CMSS1: variants seen among roughly 807,000 people sequenced by gnomAD.
CMSS1 encodes protein CMSS1.
CMSS1 carries 33 observed loss-of-function variants against 43.5 expected under a neutral mutation model. That is an observed-to-expected ratio of 0.76 (90% CI 0.57 to 1.01). The LOEUF (loss-of-function observed/expected upper bound fraction) is 1.01, where lower values mean the gene tolerates loss of function less well. Among genes scored for constraint, CMSS1 ranks in the 50% least tolerant of loss-of-function variants. CMSS1 has a pLI of 0.00. For missense variants in CMSS1, 313 were observed against 326.4 expected (o/e 0.96, Z 0.32); for synonymous variants, 115 against 117.2 (o/e 0.98, Z 0.12).
intron 1 of CMSS1, among the ~76,000 whole-genome samples, chr3:99,843,408 A>C (rs1576502876): frequency 6.6e-6 from 1 of 152,260 alleles, no homozygotes; most frequent in South Asian, 2.1e-4. Context: ...TTGGAGAATA[A>C]ACCTTCTGTT....
intron 2 of CMSS1, among the ~76,000 whole-genome samples, chr3:100,147,828 G>T (rs898613021): frequency 2.0e-5 from 3 of 152,122 alleles, no homozygotes; most frequent in Non-Finnish European, 2.9e-5. Flanking sequence ...GTGATTCGTG[G>T]TCTTTGCCAT....
chr3:99,826,281 A>G (rs1235251421), intron 1 of CMSS1, among the ~76,000 whole-genome samples: 1 of 152,134 alleles, frequency 6.6e-6, no homozygotes, highest in African/African-American at 2.4e-5. Context: ...TTAAATTCCT[A>G]TTTCTGAGTT....
intron 1 of CMSS1, among the ~76,000 whole-genome samples, chr3:100,145,134 T>A (rs1453050836): frequency 6.6e-6 from 1 of 152,140 alleles, no homozygotes; most frequent in Non-Finnish European, 1.5e-5. Context: ...TTTCTCATGC[T>A]ACACACTTAA....
At chr3:100,041,311 G>A (rs564892711) in intron 1 of CMSS1, 1 of 152,226 alleles carries the variant, frequency 6.6e-6, no homozygotes, top group South Asian at 2.1e-4. Context: ...AATTATGATG[G>A]AAACTCTATG....
intron 6 of CMSS1, 68 bp downstream of exon 6, chr3:100,167,908 G>A: frequency 1.9e-6 from 2 of 1,076,976 alleles, no homozygotes; most frequent in Non-Finnish European, 1.4e-6. Flanking sequence ...AAGCTATTAT[G>A]TTCTATGTGC....
intron 1 of CMSS1, among the ~76,000 whole-genome samples, chr3:100,067,047 A>G (rs2065678276): frequency 6.6e-6 from 1 of 152,192 alleles, no homozygotes; most frequent in African/African-American, 2.4e-5. Context: ...CAGAAGGGCA[A>G]GCGTGGACTG....
At chr3:100,170,504 T>C (rs888653225) in intron 6 of CMSS1, among the ~76,000 whole-genome samples, 4 of 152,212 alleles carry the variant, frequency 2.6e-5, no homozygotes, top group African/African-American at 9.6e-5. Flanking sequence ...AGCCAGGATC[T>C]GTTGGGAAAC....
intron 1 of CMSS1, among the ~76,000 whole-genome samples, chr3:99,846,681 G>A (rs1943378778): frequency 6.6e-6 from 1 of 152,190 alleles, no homozygotes; most frequent in African/African-American, 2.4e-5. Flanking sequence ...CGTCACCATG[G>A]AAGTGTTTCT....
chr3:99,854,469 T>C (rs1576515797), intron 1 of CMSS1, among the ~76,000 whole-genome samples: 1 of 152,202 alleles, frequency 6.6e-6, no homozygotes, highest in East Asian at 1.9e-4. Context: ...AAGAGCTGTG[T>C]AGTCAAATTA....
chr3:99,968,710 CAG>C (rs759394370), intron 1 of CMSS1, among the ~76,000 whole-genome samples: 8 of 152,072 alleles, frequency 5.3e-5, no homozygotes, highest in Non-Finnish European at 7.4e-5. Flanking sequence ...AAGGAAAAAA[CAG>C]AGAAATAAGA....
intron 1 of CMSS1, among the ~76,000 whole-genome samples, chr3:99,863,250 G>C (rs1489195753): frequency 6.6e-6 from 1 of 152,186 alleles, no homozygotes; most frequent in African/African-American, 2.4e-5. Context: ...ACACTCCTAT[G>C]AGAACCTAAT....
At chr3:99,837,258 C>T (rs938953492) in intron 1 of CMSS1, among the ~76,000 whole-genome samples, 1 of 152,108 alleles carries the variant, frequency 6.6e-6, no homozygotes, top group Non-Finnish European at 1.5e-5. Flanking sequence ...CTATCTGCCT[C>T]TTGTGTTATG....
rs1447059142 is a variant in CMSS1, at chr3:99,903,611, TAGA to T, written c.64+85573_64+85575del. On this transcript the variant is annotated intron_variant, in intron 1 of 9. Coordinates refer to ENST00000421999, the MANE Select transcript of CMSS1 (RefSeq NM_032359.4). Reference sequence around the variant, plus strand: ...AGGTGGACCAAAAAAAAAGTAGGTTTAGAAGAATTTTGATAGATTTATGGATGA... The same window carrying T: ...AGGTGGACCAAAAAAAAAGTAGGTTTAGAATTTTGATAGATTTATGGATGA... Among the ~76,000 whole-genome samples the T allele has an allele frequency of 2.6e-5, 4 of 152,146 alleles. 1 individual carries two copies. Among genetic ancestry groups the T allele is most frequent in the African/African-American group, 7.2e-5 (3 of 41,422 alleles).
At chr3:99,953,864 T>G (rs1244033718) in intron 1 of CMSS1, among the ~76,000 whole-genome samples, 2 of 152,200 alleles carry the variant, frequency 1.3e-5, no homozygotes, top group Non-Finnish European at 2.9e-5. Flanking sequence ...ACAAATAGTC[T>G]GCCCATGCTG....
intron 1 of CMSS1, among the ~76,000 whole-genome samples, chr3:99,883,121 G>A (rs1305656312): frequency 6.6e-6 from 1 of 152,200 alleles, no homozygotes; most frequent in African/African-American, 2.4e-5. Flanking sequence ...TCTACGCTTA[G>A]ATTGAATTAT....
intron 1 of CMSS1, among the ~76,000 whole-genome samples, chr3:99,993,049 TTATTTTGGTTGCTATAGTCTTGTA>T (rs1185493395): frequency 3.3e-5 from 5 of 152,040 alleles, no homozygotes; most frequent in Admixed American, 1.3e-4. Context: ...CAGTGCCATG[TTATTTTGGTTGCTATAGTCTTGTA>T]TAATTTGAGT....
At chr3:100,137,733 T>G (rs1454974671) in intron 1 of CMSS1, among the ~76,000 whole-genome samples, 2 of 152,010 alleles carry the variant, frequency 1.3e-5, no homozygotes, top group Non-Finnish European at 2.9e-5. Flanking sequence ...CGGCTAATTC[T>G]GTTTTTGTAT....
At chr3:99,872,995 C>T (rs893567215) in intron 1 of CMSS1, among the ~76,000 whole-genome samples, 1 of 151,674 alleles carries the variant, frequency 6.6e-6, no homozygotes, top group Non-Finnish European at 1.5e-5. Flanking sequence ...ATTAGTGTAC[C>T]TAACAAAATG....
At chr3:99,895,269 A>G (rs1017032249) in intron 1 of CMSS1, among the ~76,000 whole-genome samples, 1 of 152,070 alleles carries the variant, frequency 6.6e-6, no homozygotes, top group Non-Finnish European at 1.5e-5. Flanking sequence ...GCAGTCACCC[A>G]TGTTCACTGC....
Sources: allele counts gnomAD v4.1 joint callset (sites outside exome capture counted in the v4.1 genomes callset), GRCh38; gene constraint gnomAD v4.1.1; transcripts MANE v1.5; gene names NCBI Gene and HGNC (gene_info 2026-07-23, HGNC 2026-07-21).